The following FRMD3 variants were observed in gnomAD, a reference collection of about 807,000 sequenced individuals.
The protein encoded by FRMD3 is FERM domain containing 3, also known as FERM domain-containing protein 3.
Under a neutral mutation model 70.2 loss-of-function variants are expected in FRMD3, and 33 were observed. The observed-to-expected ratio is 0.47, with a 90% CI of 0.36 to 0.63. The LOEUF is 0.63. Ranked by LOEUF, FRMD3 falls within the 20% of genes least tolerant of loss-of-function variation. The pLI, the probability that FRMD3 is intolerant of heterozygous loss-of-function variation, is 0.00. For missense variants in FRMD3, 632 were observed against 711.4 expected (o/e 0.89, Z 1.27); for synonymous variants, 279 against 255.9 (o/e 1.09, Z -0.86).
the FRMD3 span, among the ~76,000 whole-genome samples, chr9:83,558,013 T>C: frequency 6.6e-6 from 1 of 152,230 alleles, no homozygotes; most frequent in African/African-American, 2.4e-5. Flanking sequence ...GGTTTCAGTT[T>C]TCAGTGAAGC....
At chr9:83,436,882 C>T (rs1314579440) in intron 1 of FRMD3, among the ~76,000 whole-genome samples, 1 of 151,754 alleles carries the variant, frequency 6.6e-6, no homozygotes, top group Admixed American at 6.6e-5. Flanking sequence ...CACAGCATAC[C>T]CCCTGGAAAG....
chr9:83,483,135 G>C (rs1311946293), intron 1 of FRMD3, among the ~76,000 whole-genome samples: 3 of 152,168 alleles, frequency 2.0e-5, no homozygotes, highest in Non-Finnish European at 4.4e-5. Flanking sequence ...ATTGAATCAT[G>C]GGGGCAGACT....
At chr9:83,329,621 T>C (rs994182529) in intron 6 of FRMD3, among the ~76,000 whole-genome samples, 2 of 152,202 alleles carry the variant, frequency 1.3e-5, no homozygotes, top group African/African-American at 4.8e-5. Flanking sequence ...CTTTAAGAAA[T>C]AGAGATAATT....
At chr9:83,582,957 A>G in the FRMD3 span, among the ~76,000 whole-genome samples, 1 of 152,166 alleles carries the variant, frequency 6.6e-6, no homozygotes, top group Non-Finnish European at 1.5e-5. Flanking sequence ...CCTCTTGAAC[A>G]TGGAGCACGT....
intron 1 of FRMD3, among the ~76,000 whole-genome samples, chr9:83,433,657 C>T (rs573194527): frequency 1.2e-4 from 18 of 152,316 alleles, no homozygotes; most frequent in African/African-American, 4.3e-4. Flanking sequence ...TGTTTTCCTG[C>T]AACTAGACAG....
intron 1 of FRMD3, among the ~76,000 whole-genome samples, chr9:83,450,351 T>TG (rs1247879371): frequency 9.9e-6 from 1 of 100,536 alleles, no homozygotes; most frequent in Admixed American, 1.1e-4. Flanking sequence ...CCCTCAGTTT[T>TG]TTTTTTTTTT....
intron 1 of FRMD3, among the ~76,000 whole-genome samples, chr9:83,465,431 A>C (rs909403950): frequency 6.6e-5 from 10 of 152,162 alleles, no homozygotes; most frequent in African/African-American, 2.4e-4. Flanking sequence ...TATCTTGTTA[A>C]TAAATAAATA....
At chr9:83,299,287 A>C (rs1233391416) in intron 10 of FRMD3, 101 bp from the exon 11 acceptor site, 1 of 688,034 alleles carries the variant, frequency 1.5e-6, no homozygotes, top group Non-Finnish European at 2.5e-6. Flanking sequence ...GCAAGAAAGA[A>C]ATGTAATTTA....
chr9:83,378,742 A>ATATAT (rs1564047708), intron 2 of FRMD3, among the ~76,000 whole-genome samples: 4 of 122,656 alleles, frequency 3.3e-5, no homozygotes, highest in African/African-American at 1.4e-4. Flanking sequence ...TATACTTTAT[A>ATATAT]TTATATATAA....
chr9:83,502,611 A>G (rs1829095594), intron 1 of FRMD3, among the ~76,000 whole-genome samples: 2 of 152,154 alleles, frequency 1.3e-5, no homozygotes, highest in Non-Finnish European at 2.9e-5. Context: ...GGGCAGACAA[A>G]TCAGGATGGT....
intron 3 of FRMD3, among the ~76,000 whole-genome samples, chr9:83,366,724 T>C (rs76695565): frequency 0.015 from 2,330 of 152,348 alleles, 71 homozygotes; most frequent in African/African-American, 0.054. Flanking sequence ...ATCTGAGTCA[T>C]AGTGTGTAAC....
chr9:83,393,949 G>T (rs71487692), intron 1 of FRMD3, among the ~76,000 whole-genome samples: 89,417 of 146,088 alleles, frequency 0.61, 26,988 homozygotes, highest in Admixed American at 0.68. Flanking sequence ...TGTTGTTGTT[G>T]TTTTTTTTTA....
At chr9:83,486,700 C>T (rs921765330) in intron 1 of FRMD3, among the ~76,000 whole-genome samples, 1 of 152,110 alleles carries the variant, frequency 6.6e-6, no homozygotes, top group African/African-American at 2.4e-5. Flanking sequence ...TTTTTCATTA[C>T]AAAAGAAACT....
intron 13 of FRMD3, among the ~76,000 whole-genome samples, chr9:83,263,306 A>G (rs1242387543): frequency 6.6e-6 from 1 of 152,236 alleles, no homozygotes; most frequent in Non-Finnish European, 1.5e-5. Flanking sequence ...CTTGCTGATG[A>G]TGGCATCCTA....
At chr9:83,356,271 ATTTTT>A (rs869149609) in intron 3 of FRMD3, among the ~76,000 whole-genome samples, 28 of 94,424 alleles carry the variant, frequency 3.0e-4, no homozygotes, top group African/African-American at 9.7e-4. Flanking sequence ...ACTCAGCAGC[ATTTTT>A]TTTTTTTTTT....
chr9:83,472,913 G>A (rs981965682), intron 1 of FRMD3, among the ~76,000 whole-genome samples: 6 of 152,042 alleles, frequency 3.9e-5, no homozygotes, highest in African/African-American at 1.4e-4. Flanking sequence ...GTCAAGTCAC[G>A]AGTGTTCTTT....
intron 1 of FRMD3, among the ~76,000 whole-genome samples, chr9:83,447,777 A>G (rs1403389629): frequency 6.6e-6 from 1 of 152,180 alleles, no homozygotes; most frequent in African/African-American, 2.4e-5. Flanking sequence ...TAAAAGACAG[A>G]AGTCAGGATG....
At chr9:83,461,664 CCTTTTTTTTTTTTTTTTTT>C (rs1827975628) in intron 1 of FRMD3, among the ~76,000 whole-genome samples, 1 of 121,072 alleles carries the variant, frequency 8.3e-6, no homozygotes, top group African/African-American at 3.2e-5. Context: ...CAGGAATTTC[CCTTTTTTTTTTTTTTTTTT>C]TTTTTTTTTT....
In FRMD3 at chr9:83,312,768, G is replaced by A. The variant is rs1477052982; in HGVS notation, c.685-793C>T. ...CTCCCCCTCCGCCGCCCTGCGCCCC[G>A]CCCCGCCCTCCTCCCCAGCAGATCC... On this transcript the variant is annotated intron_variant, in intron 7 of 13. Transcript: ENST00000304195. Among the ~76,000 whole-genome samples, 5 of 95,490 alleles carry A rather than the reference G, an allele frequency of 5.2e-5. 1 individual carries two copies. Among genetic ancestry groups the A allele is most frequent in the African/African-American group, 2.1e-4 (5 of 24,134 alleles). The allele number at this position is 95,490 out of a possible 152,430, so 62.6% of individuals were successfully genotyped here. A position where few individuals can be genotyped will look rare whatever the true frequency, so the allele number is the denominator to read the frequency against.
Sources: allele counts gnomAD v4.1 joint callset (sites outside exome capture counted in the v4.1 genomes callset), GRCh38; gene constraint gnomAD v4.1.1; transcripts MANE v1.5; gene names NCBI Gene and HGNC (gene_info 2026-07-23, HGNC 2026-07-21).